ZFAND4: variants seen among roughly 807,000 people sequenced by gnomAD.
The protein encoded by ZFAND4 is AN1-type zinc finger protein 4.
In ZFAND4, 43 loss-of-function variants were observed where a neutral mutation model predicts 64.4. That is an observed-to-expected ratio of 0.67 (90% confidence interval 0.52 to 0.86). The LOEUF (loss-of-function observed/expected upper bound fraction) is 0.86, where lower values mean the gene tolerates loss of function less well. Among genes scored for constraint, ZFAND4 ranks in the 40% least tolerant of loss-of-function variants. ZFAND4 has a pLI of 0.00. For synonymous variants in ZFAND4, 296 were observed against 305.7 expected, an observed-to-expected ratio of 0.97 and a Z score of 0.33; for missense variants, 929 against 859.8, an observed-to-expected ratio of 1.08 and a Z score of -1.01.
intron 5 of ZFAND4, 148 bp from the exon 6 acceptor site, chr10:45,640,111 C>A: frequency 1.6e-6 from 2 of 1,280,464 alleles, no homozygotes; most frequent in Non-Finnish European, 2.1e-6. Flanking sequence ...AAATATATTT[C>A]AAAGAATGTA....
intron 5 of ZFAND4, among the ~76,000 whole-genome samples, chr10:45,643,641 G>A (rs1031715693): frequency 4.3e-5 from 6 of 140,214 alleles, no homozygotes; most frequent in Non-Finnish European, 3.0e-5. Context: ...CTGCACTCCA[G>A]CCTGGGTGAC....
chr10:45,666,737 C>A (rs527590288), intron 1 of ZFAND4, among the ~76,000 whole-genome samples: 10 of 152,150 alleles, frequency 6.6e-5, no homozygotes, highest in African/African-American at 2.2e-4. Context: ...ATGTGGATAA[C>A]CAGTTGTTCC....
intron 7 of ZFAND4, among the ~76,000 whole-genome samples, chr10:45,625,031 G>A (rs2045696807): frequency 6.6e-6 from 1 of 151,884 alleles, no homozygotes; most frequent in Admixed American, 6.6e-5. Context: ...ATAAAAGTTA[G>A]CCAGGCATGG....
At chr10:45,651,442 C>T (rs1315594709) in intron 4 of ZFAND4, 7 of 399,142 alleles carry the variant, frequency 1.8e-5, no homozygotes, top group African/African-American at 1.5e-4. Context: ...ATTGCACTGA[C>T]CATTCAGTAG....
intron 5 of ZFAND4, among the ~76,000 whole-genome samples, chr10:45,644,858 A>T (rs1182894307): frequency 1.3e-5 from 2 of 152,170 alleles, no homozygotes; most frequent in African/African-American, 4.8e-5. Context: ...TTTCAAATAA[A>T]TTGCTAAATA....
intron 8 of ZFAND4, among the ~76,000 whole-genome samples, chr10:45,620,177 T>C (rs191166547): frequency 9.9e-5 from 15 of 152,238 alleles, no homozygotes; most frequent in Non-Finnish European, 1.8e-4. Context: ...TCTCCATACT[T>C]TTTTTCATTT....
At chr10:45,639,792 C>T in intron 6 of ZFAND4, 24 bp downstream of exon 6, 2 of 1,595,690 alleles carry the variant, frequency 1.3e-6, no homozygotes, top group Non-Finnish European at 1.7e-6. Context: ...AGAGATAAGC[C>T]TGGTCAAATG....
chr10:45,627,662 A>ATAT (rs1249685247), intron 6 of ZFAND4, among the ~76,000 whole-genome samples: 1 of 152,202 alleles, frequency 6.6e-6, no homozygotes. Flanking sequence ...ACGCAATAAT[A>ATAT]CAGTTCATGA....
chr10:45,647,089 C>T (rs1160376379), intron 5 of ZFAND4, among the ~76,000 whole-genome samples: 1 of 152,144 alleles, frequency 6.6e-6, no homozygotes, highest in Non-Finnish European at 1.5e-5. Flanking sequence ...TGAGTGTGGG[C>T]ATGATGGACA....
chr10:45,655,014 T>C lies in ZFAND4; in HGVS notation c.185-1955A>G, dbSNP rs535356550. On this transcript the variant is annotated intron_variant, in intron 2 of 9. Coordinates refer to ENST00000344646, the MANE Select transcript of ZFAND4 (RefSeq NM_174890.4). Reference sequence around the variant, plus strand: ...CTAGAACAAATGGACCTAACAGATATTTACAGAACATTCAACCGAAGAACT... The same window carrying C: ...CTAGAACAAATGGACCTAACAGATACTTACAGAACATTCAACCGAAGAACT... Among the ~76,000 whole-genome samples the C allele has an allele frequency of 3.3e-5, 5 of 152,258 alleles. No individual in the cohort carries two copies. In the East Asian group the frequency reaches 9.6e-4, roughly 29 times the overall value.
rs1185254543 is a variant in ZFAND4, at chr10:45,639,930, C to T, written c.603G>A (p.Glu201=). The T allele has an allele frequency of 6.2e-7, 1 of 1,612,736 alleles. No homozygotes were observed. Among genetic ancestry groups the T allele is most frequent in the African/African-American group, 1.3e-5 (1 of 74,862 alleles). The part of the protein sequence containing the change: ...GGSMYNSDTD[E]DEETEPSSSG... The stretch of plus-strand genomic sequence containing the variant: ...AAGAAGAAGGCTCAGTTTCTTCATC[C>T]TCATCTGTATCTGAATTATACATAG... Residue 201 remains glutamate, a synonymous_variant, in exon 6 of 10, where the codon GAG becomes GAA. Transcript: ENST00000344646.
At chr10:45,664,853 C>G (rs946421227) in intron 1 of ZFAND4, among the ~76,000 whole-genome samples, 1 of 151,698 alleles carries the variant, frequency 6.6e-6, no homozygotes, top group Non-Finnish European at 1.5e-5. Flanking sequence ...ATGGCGTGAA[C>G]CCGGGAGGCA....
At chr10:45,657,537 T>C (rs1056661905) in intron 2 of ZFAND4, among the ~76,000 whole-genome samples, 1 of 152,224 alleles carries the variant, frequency 6.6e-6, no homozygotes, top group African/African-American at 2.4e-5. Flanking sequence ...TTAGCAGTTT[T>C]ATAAAGTTAA....
intron 6 of ZFAND4, among the ~76,000 whole-genome samples, chr10:45,637,665 G>A (rs993688728): frequency 6.6e-6 from 1 of 151,680 alleles, no homozygotes; most frequent in Non-Finnish European, 1.5e-5. Flanking sequence ...CAGAAGAATT[G>A]CTTGAACCCA....
At chr10:45,636,117 T>C (rs185237795) in intron 6 of ZFAND4, among the ~76,000 whole-genome samples, 1 of 152,230 alleles carries the variant, frequency 6.6e-6, no homozygotes, top group Admixed American at 6.5e-5. Flanking sequence ...ATTCTAACAA[T>C]GCAAGACTAT....
At chr10:45,616,677 TTC>T in intron 9 of ZFAND4, 106 bp from the exon 10 acceptor site, 1 of 1,162,192 alleles carries the variant, frequency 8.6e-7, no homozygotes, top group South Asian at 1.5e-5. Context: ...GGCCCTTTGG[TTC>T]TTTTTAGCAA....
intron 6 of ZFAND4, among the ~76,000 whole-genome samples, chr10:45,636,895 A>G (rs2046633464): frequency 1.3e-5 from 2 of 151,702 alleles, no homozygotes; most frequent in Admixed American, 1.3e-4. Flanking sequence ...ATTTCTTTGT[A>G]GTTTTTGCTT....
chr10:45,624,631 G>A lies in ZFAND4; in HGVS notation c.1879C>T (p.His627Tyr). The A allele has an allele frequency of 1.9e-6, 3 of 1,613,564 alleles. No homozygotes were observed. The highest frequency in any genetic ancestry group is 2.5e-6 in the Non-Finnish European group (3 of 1,179,708). The change falls in exon 8 of 10, where the codon CAT (histidine) becomes TAT (tyrosine). Residue 627 changes from histidine (H) to tyrosine (Y), a missense_variant. Transcript: ENST00000344646. ...TTATTTCCATTCATTCCAACACCAT[G>A]GGTAGACTACAATTAAAACACAAAA... is the stretch of plus-strand genomic sequence containing the variant. ...LEHTGVFLST[H>Y]GVGMNGNNAA...
At chr10:45,651,618 T>C (rs1220532076) in intron 4 of ZFAND4, 2 of 476,988 alleles carry the variant, frequency 4.2e-6, no homozygotes, top group African/African-American at 2.0e-5. Flanking sequence ...ATCTTGGGAT[T>C]TGAAGATCTG....
Sources: gnomAD v4.1 joint callset for allele counts (sites outside exome capture counted in the v4.1 genomes callset) on GRCh38, gnomAD v4.1.1 for gene constraint, MANE v1.5 for transcripts, NCBI Gene and HGNC (gene_info 2026-07-23, HGNC 2026-07-21) for gene names.